The following ZNF804A variants were observed in gnomAD, a reference collection of about 807,000 sequenced individuals.
The protein encoded by ZNF804A is zinc finger protein 804A.
ZNF804A carries 2 observed loss-of-function variants against 16.5 expected under a neutral mutation model. That is an observed-to-expected ratio of 0.12 (90% CI 0.05 to 0.38). The LOEUF (loss-of-function observed/expected upper bound fraction) is 0.38. ZNF804A is among the 10% of genes least tolerant of loss of function. The pLI is 0.99. For missense variants in ZNF804A, 1,473 were observed against 1,390.7 expected (o/e 1.06, Z -0.94); for synonymous variants, 534 against 489.6 (o/e 1.09, Z -1.20).
chr2:184,743,019 T>A (rs1022076018), intron 1 of ZNF804A, among the ~76,000 whole-genome samples: 4 of 151,898 alleles, frequency 2.6e-5, no homozygotes, highest in Non-Finnish European at 4.4e-5. Flanking sequence ...CAGTGAAAAT[T>A]TCTGGTATAT....
At chr2:184,689,623 G>T (rs933030595) in intron 1 of ZNF804A, among the ~76,000 whole-genome samples, 1 of 152,040 alleles carries the variant, frequency 6.6e-6, no homozygotes, top group African/African-American at 2.4e-5. Flanking sequence ...AATAGTTAGA[G>T]AAGTATGTAG....
At chr2:184,609,829 G>A (rs1325922375) in intron 1 of ZNF804A, among the ~76,000 whole-genome samples, 1 of 152,220 alleles carries the variant, frequency 6.6e-6, no homozygotes, top group Non-Finnish European at 1.5e-5. Context: ...GGATACAGAA[G>A]TCACATTCAT....
chr2:184,622,071 A>G (rs1691429516), intron 1 of ZNF804A, among the ~76,000 whole-genome samples: 1 of 151,682 alleles, frequency 6.6e-6, no homozygotes, highest in Non-Finnish European at 1.5e-5. Flanking sequence ...TTTGGAAAGT[A>G]CTCTGATTAT....
At chr2:184,893,460 T>C (rs1027729409) in intron 2 of ZNF804A, among the ~76,000 whole-genome samples, 1 of 152,094 alleles carries the variant, frequency 6.6e-6, no homozygotes, top group Non-Finnish European at 1.5e-5. Context: ...CATATAATCA[T>C]TTTTATTAAG....
At chr2:184,646,940 G>A (rs1691886414) in intron 1 of ZNF804A, among the ~76,000 whole-genome samples, 1 of 152,194 alleles carries the variant, frequency 6.6e-6, no homozygotes, top group Non-Finnish European at 1.5e-5. Flanking sequence ...TCAGACCACT[G>A]TGCATTCCAA....
chr2:184,844,807 A>G (rs560942188), intron 1 of ZNF804A, among the ~76,000 whole-genome samples: 6 of 148,694 alleles, frequency 4.0e-5, no homozygotes, highest in Non-Finnish European at 7.4e-5. Flanking sequence ...TATTTCTTCT[A>G]CTCCACTTCT....
chr2:184,733,229 G>T (rs1232640753), intron 1 of ZNF804A, among the ~76,000 whole-genome samples: 5 of 151,948 alleles, frequency 3.3e-5, no homozygotes, highest in African/African-American at 7.2e-5. Context: ...TTTAGGTTCT[G>T]TTATTTATGG....
At chr2:184,670,025 T>C (rs750477704) in intron 1 of ZNF804A, among the ~76,000 whole-genome samples, 1 of 152,170 alleles carries the variant, frequency 6.6e-6, no homozygotes, top group Non-Finnish European at 1.5e-5. Flanking sequence ...TCACTAAGTT[T>C]TTAATGATAG....
chr2:184,809,742 G>A (rs1016200673), intron 1 of ZNF804A, among the ~76,000 whole-genome samples: 5 of 151,756 alleles, frequency 3.3e-5, no homozygotes, highest in Non-Finnish European at 5.9e-5. Context: ...CTATATATGC[G>A]TGTATGAATA....
chr2:184,617,519 A>C (rs1691346903), intron 1 of ZNF804A, among the ~76,000 whole-genome samples: 1 of 151,866 alleles, frequency 6.6e-6, no homozygotes, highest in African/African-American at 2.4e-5. Context: ...TATATCGAAG[A>C]TTTAACAATT....
At chr2:184,770,354 G>A (rs1240653359) in intron 1 of ZNF804A, among the ~76,000 whole-genome samples, 1 of 151,868 alleles carries the variant, frequency 6.6e-6, no homozygotes, top group Non-Finnish European at 1.5e-5. Flanking sequence ...TTTAAATTTT[G>A]TGAGTAGAAT....
intron 1 of ZNF804A, among the ~76,000 whole-genome samples, chr2:184,604,060 T>A (rs1691093497): frequency 6.6e-6 from 1 of 151,722 alleles, no homozygotes; most frequent in Non-Finnish European, 1.5e-5. Context: ...TGAGTTATGT[T>A]AGATAGCTGC....
chr2:184,629,714 C>G (rs1424513037), intron 1 of ZNF804A, among the ~76,000 whole-genome samples: 2 of 152,086 alleles, frequency 1.3e-5, no homozygotes, highest in African/African-American at 4.8e-5. Flanking sequence ...GGACAGTTTT[C>G]TGTAATCTAG....
chr2:184,727,591 A>G (rs1242365791), intron 1 of ZNF804A, among the ~76,000 whole-genome samples: 1 of 151,662 alleles, frequency 6.6e-6, no homozygotes, highest in Non-Finnish European at 1.5e-5. Flanking sequence ...TAACTATTTT[A>G]GTACCACTTT....
In ZNF804A at chr2:184,937,810, C is replaced by T; in HGVS notation, c.2414C>T (p.Pro805Leu). The change falls in exon 4 of 4, where the codon CCC (proline) becomes CTC (leucine). Residue 805 changes from proline (P) to leucine (L), a missense_variant. Physicochemically the swap from Pro to Leu is moderately conservative, Grantham distance 98. Coordinates refer to ENST00000302277, the MANE Select transcript of ZNF804A (RefSeq NM_194250.2). The stretch of plus-strand genomic sequence containing the variant: ...AGGCCACCAAGTACTTCAGTTGCTC[C>T]CTGCAAGCCTAAAAAGAAACGGAGG... ...FLRPPSTSVA[P>L]CKPKKKRRRK... is the part of the protein sequence containing the mutation. 2 of 1,614,048 alleles carry T rather than the reference C, an allele frequency of 1.2e-6. No homozygotes were observed. The highest frequency in any genetic ancestry group is 1.1e-5 in the South Asian group (1 of 91,070).
chr2:184,827,887 C>G (rs1181736732), intron 1 of ZNF804A, among the ~76,000 whole-genome samples: 1 of 151,584 alleles, frequency 6.6e-6, no homozygotes, highest in Non-Finnish European at 1.5e-5. Flanking sequence ...TTCCAAATAT[C>G]TTTAAAAAAT....
intron 1 of ZNF804A, among the ~76,000 whole-genome samples, chr2:184,800,613 TTTTG>T (rs908571296): frequency 9.3e-4 from 142 of 151,876 alleles, no homozygotes; most frequent in African/African-American, 3.3e-3. Flanking sequence ...TCTAGTTTAC[TTTTG>T]TTTTAGTTTG....
At chr2:184,730,629 T>C (rs1283896211) in intron 1 of ZNF804A, among the ~76,000 whole-genome samples, 2 of 152,242 alleles carry the variant, frequency 1.3e-5, no homozygotes, top group African/African-American at 4.8e-5. Context: ...GCACAGTATG[T>C]AGCTTTTTCA....
intron 1 of ZNF804A, among the ~76,000 whole-genome samples, chr2:184,753,183 G>T (rs993852074): frequency 2.0e-5 from 3 of 151,556 alleles, no homozygotes; most frequent in Non-Finnish European, 4.4e-5. Flanking sequence ...TTTCACACTT[G>T]TTTAATATCA....
Sources: gnomAD v4.1 joint callset for allele counts (sites outside exome capture counted in the v4.1 genomes callset) on GRCh38, gnomAD v4.1.1 for gene constraint, MANE v1.5 for transcripts, NCBI Gene and HGNC (gene_info 2026-07-23, HGNC 2026-07-21) for gene names.